Variants in NRG1 observed in about 807,000 individuals in gnomAD.
NRG1 encodes pro-neuregulin-1, membrane-bound isoform.
NRG1 carries 18 observed loss-of-function variants against 63.8 expected under a neutral mutation model. The observed-to-expected ratio is 0.28, with a 90% CI of 0.19 to 0.42. The LOEUF (loss-of-function observed/expected upper bound fraction) is 0.42, where lower values mean the gene tolerates loss of function less well. NRG1 is among the 10% of genes least tolerant of loss of function. The pLI is 1.00. For missense variants in NRG1, 762 were observed against 814.7 expected, an observed-to-expected ratio of 0.94 and a Z score of 0.79; for synonymous variants, 302 against 301.3, an observed-to-expected ratio of 1.00 and a Z score of -0.02.
At chr8:31,850,397 T>C (rs1288163307) in intron 1 of NRG1, among the ~76,000 whole-genome samples, 6 of 152,160 alleles carry the variant, frequency 3.9e-5, no homozygotes, top group Admixed American at 6.5e-5. Context: ...CCCCCTGTGG[T>C]TGCACTCTTG....
chr8:32,339,959 G>C (rs1184703002), intron 1 of NRG1, among the ~76,000 whole-genome samples: 1 of 152,106 alleles, frequency 6.6e-6, no homozygotes, highest in Non-Finnish European at 1.5e-5. Context: ...GATGAGGTCT[G>C]AGATACTGGC....
At chr8:32,080,788 T>C (rs1429256047) in intron 1 of NRG1, among the ~76,000 whole-genome samples, 3 of 151,342 alleles carry the variant, frequency 2.0e-5, no homozygotes, top group Non-Finnish European at 4.4e-5. Flanking sequence ...TGTGTGTGTG[T>C]GTGTGTGTGT....
At chr8:32,615,221 C>G (rs1363106471) in intron 4 of NRG1, among the ~76,000 whole-genome samples, 1 of 150,522 alleles carries the variant, frequency 6.6e-6, no homozygotes, top group East Asian at 2.0e-4. Context: ...AATCTATCCT[C>G]TATGTATTTC....
chr8:32,714,933 G>A (rs1391958189), intron 5 of NRG1, among the ~76,000 whole-genome samples: 3 of 152,152 alleles, frequency 2.0e-5, no homozygotes, highest in Admixed American at 1.3e-4. Flanking sequence ...GACAGATTTT[G>A]ATAACCTTTT....
At chr8:32,357,108 A>T (rs1398434923) in intron 1 of NRG1, among the ~76,000 whole-genome samples, 1 of 152,156 alleles carries the variant, frequency 6.6e-6, no homozygotes, top group Non-Finnish European at 1.5e-5. Flanking sequence ...CTGGGGGAAA[A>T]GAGCATGAGG....
At chr8:32,165,816 A>G (rs945170305) in intron 1 of NRG1, among the ~76,000 whole-genome samples, 1 of 152,136 alleles carries the variant, frequency 6.6e-6, no homozygotes, top group Non-Finnish European at 1.5e-5. Context: ...GAATAACTGA[A>G]TGGGTGCCTA....
chr8:32,547,590 A>AACACACACACACAC (rs33943729), upstream of NRG1, among the ~76,000 whole-genome samples: 127 of 148,490 alleles, frequency 8.6e-4, 2 homozygotes, highest in African/African-American at 2.9e-3. Context: ...GCACTTACTA[A>AACACACACACACAC]ACACACACAC....
intron 1 of NRG1, among the ~76,000 whole-genome samples, chr8:32,100,845 C>T (rs1830480386): frequency 6.6e-6 from 1 of 152,118 alleles, no homozygotes; most frequent in South Asian, 2.1e-4. Context: ...CGCTGCATCT[C>T]AGTCATAAAA....
At chr8:32,233,549 ATATATATATATATAT>A (rs1336494714) in intron 1 of NRG1, among the ~76,000 whole-genome samples, 1 of 71,524 alleles carries the variant, frequency 1.4e-5, no homozygotes, top group Non-Finnish European at 2.8e-5. Context: ...ATATATATAT[ATATATATATATATAT>A]TTTTTTTTTT....
Position 31,798,971 on chromosome 8 carries a change from A to G in NRG1, c.37+159540A>G, listed in dbSNP as rs185986953. 1.5e-3 allele frequency among the ~76,000 whole-genome samples: 224 copies of G among 152,268 alleles called. 5 individuals carry two copies. In the South Asian group the frequency reaches 0.025, roughly 17 times the overall value. On this transcript the variant is annotated intron_variant, in intron 1 of 10. Coordinates refer to the NRG1 transcript ENST00000519301. ...ATGAAAATTATAGAATTAAAAGCTG[A>G]ACATCATTTTATTTGGCAGTTTCAT...
In NRG1 at chr8:32,283,278, T is replaced by C. The variant is rs538877730; in HGVS notation, c.38-312550T>C. ...TTCTTTTTCATTTGCTCAGCTTTTC[T>C]GAAAACCTTTAGGAGACAAGTTTCT... is the stretch of plus-strand genomic sequence containing the variant. On this transcript the variant is annotated intron_variant, in intron 1 of 10. Transcript: ENST00000519301. 7.6e-4 allele frequency among the ~76,000 whole-genome samples: 116 copies of C among 152,368 alleles called. 1 individual carries two copies. Among genetic ancestry groups the C allele is most frequent in the Non-Finnish European group, 1.4e-3 (95 of 68,032 alleles).
chr8:32,720,847 C>A (rs1371238521), intron 5 of NRG1, among the ~76,000 whole-genome samples: 1 of 152,100 alleles, frequency 6.6e-6, no homozygotes, highest in Non-Finnish European at 1.5e-5. Flanking sequence ...TGAAAAATAA[C>A]CTTTCCTGGC....
intron 1 of NRG1, among the ~76,000 whole-genome samples, chr8:31,879,267 A>G (rs1830165142): frequency 6.6e-6 from 1 of 152,208 alleles, no homozygotes; most frequent in African/African-American, 2.4e-5. Flanking sequence ...TTCCAATGAA[A>G]GATAACTTTA....
chr8:31,721,795 G>T (rs560511763), intron 1 of NRG1, among the ~76,000 whole-genome samples: 1 of 152,046 alleles, frequency 6.6e-6, no homozygotes, highest in African/African-American at 2.4e-5. Flanking sequence ...TATGTATATT[G>T]CATCTCCTCA....
intron 1 of NRG1, among the ~76,000 whole-genome samples, chr8:31,676,060 G>A (rs1807663202): frequency 6.6e-6 from 1 of 152,030 alleles, no homozygotes; most frequent in African/African-American, 2.4e-5. Flanking sequence ...ACTTTCTAGG[G>A]CTTATTTCCA....
At chr8:32,511,367 G>GTGTATATATATATATATA (rs1338353608) in intron 1 of NRG1, among the ~76,000 whole-genome samples, 14 of 122,076 alleles carry the variant, frequency 1.1e-4, no homozygotes, top group Non-Finnish European at 1.9e-4. Flanking sequence ...ATATATATGT[G>GTGTATATATATATATATA]TATATATATA....
At chr8:31,826,893 T>C (rs373936151) in intron 1 of NRG1, among the ~76,000 whole-genome samples, 45 of 152,324 alleles carry the variant, frequency 3.0e-4, no homozygotes, top group African/African-American at 9.4e-4. Flanking sequence ...TTTGTTTTGT[T>C]TTTGTTTTAG....
chr8:31,824,066 G>A (rs963924348), intron 1 of NRG1, among the ~76,000 whole-genome samples: 1 of 151,516 alleles, frequency 6.6e-6, no homozygotes, highest in Non-Finnish European at 1.5e-5. Flanking sequence ...TGTGCACAAC[G>A]TGCAGGTTTG....
chr8:32,261,984 G>A (rs771149312), intron 1 of NRG1, among the ~76,000 whole-genome samples: 5 of 151,986 alleles, frequency 3.3e-5, no homozygotes, highest in African/African-American at 1.2e-4. Flanking sequence ...GATCCAGATC[G>A]CCTTGAATTC....
Sources: allele counts gnomAD v4.1 joint callset (sites outside exome capture counted in the v4.1 genomes callset), GRCh38; gene constraint gnomAD v4.1.1; transcripts MANE v1.5; gene names NCBI Gene and HGNC (gene_info 2026-07-23, HGNC 2026-07-21).